The following TAF4B variants were observed in gnomAD, a reference collection of about 807,000 sequenced individuals.
TAF4B encodes the protein TATA-box binding protein associated factor 4b, also known as transcription initiation factor TFIID subunit 4B.
Under a neutral mutation model 86.4 loss-of-function variants are expected in TAF4B, and 38 were observed. The observed-to-expected ratio is 0.44, with a 90% CI of 0.34 to 0.58. TAF4B has a LOEUF of 0.58. Among genes scored for constraint, TAF4B ranks in the 20% least tolerant of loss-of-function variants. TAF4B has a pLI of 0.02. For missense variants in TAF4B, 988 were observed against 1,027.6 expected, an observed-to-expected ratio of 0.96 and a Z score of 0.53; for synonymous variants, 388 against 391.2, an observed-to-expected ratio of 0.99 and a Z score of 0.10.
In TAF4B at chr18:26,321,210, ATC is replaced by A. The variant is rs2056959714; in HGVS notation, c.2133+11_2133+12del. The A allele has an allele frequency of 6.2e-7, 1 of 1,613,254 alleles. No individual in the cohort carries two copies. The highest frequency in any genetic ancestry group is 1.3e-5 in the African/African-American group (1 of 74,916). On this transcript the variant is annotated intron_variant, in intron 11 of 14. Coordinates refer to ENST00000269142, the MANE Select transcript of TAF4B (RefSeq NM_005640.3). ...AATGACTACTTACAAGGTAAAGGAA[ATC>A]ATTAAAGAAGTATAAACTCTCGAGT...
intron 12 of TAF4B, among the ~76,000 whole-genome samples, chr18:26,327,415 C>A (rs1483916692): frequency 1.3e-5 from 2 of 152,084 alleles, no homozygotes; most frequent in Admixed American, 1.3e-4. Flanking sequence ...ATTTCAGGGT[C>A]TTTTTAGGAA....
chr18:26,341,228 C>T (rs2057132494), intron 13 of TAF4B, among the ~76,000 whole-genome samples: 1 of 152,048 alleles, frequency 6.6e-6, no homozygotes, highest in Non-Finnish European at 1.5e-5. Context: ...CTTAACGATT[C>T]CTGCTCTGCT....
chr18:26,373,744 G>A (rs1418008542), intron 14 of TAF4B, among the ~76,000 whole-genome samples: 1 of 151,940 alleles, frequency 6.6e-6, no homozygotes, highest in Non-Finnish European at 1.5e-5. Flanking sequence ...TAATATACTT[G>A]TTGAGATGGC....
At chr18:26,353,612 TA>T (rs1231683813) in intron 13 of TAF4B, among the ~76,000 whole-genome samples, 1 of 152,228 alleles carries the variant, frequency 6.6e-6, no homozygotes, top group Non-Finnish European at 1.5e-5. Flanking sequence ...CTGAGGCTGA[TA>T]AAGGATAGCT....
At chr18:26,362,962 T>C (rs1195643080) in intron 14 of TAF4B, among the ~76,000 whole-genome samples, 2 of 152,200 alleles carry the variant, frequency 1.3e-5, no homozygotes, top group African/African-American at 4.8e-5. Flanking sequence ...AGCATTTACA[T>C]TGTATTATGT....
intron 14 of TAF4B, among the ~76,000 whole-genome samples, chr18:26,387,850 G>A (rs967571671): frequency 2.0e-5 from 3 of 152,166 alleles, no homozygotes; most frequent in Admixed American, 6.5e-5. Context: ...AAACTGGGTA[G>A]TATCTCTTAA....
intron 9 of TAF4B, among the ~76,000 whole-genome samples, chr18:26,309,332 T>G (rs571196947): frequency 1.5e-4 from 21 of 141,700 alleles, no homozygotes; most frequent in African/African-American, 5.4e-4. Context: ...TTGCAAAACA[T>G]ATCTATTACC....
intron 2 of TAF4B, chr18:26,266,847 G>C (rs766960164): frequency 3.3e-5 from 5 of 151,568 alleles, no homozygotes; most frequent in African/African-American, 1.2e-4. Flanking sequence ...GGGCGACAGA[G>C]CGAGACTCTG....
In TAF4B at chr18:26,321,082, A is replaced by G. The variant is rs776500867; in HGVS notation, c.2015A>G (p.Asp672Gly). 1.3e-5 allele frequency: 21 copies of G among 1,613,852 alleles called. No individual in the cohort carries two copies. The East Asian group carries it at 4.5e-4, about 34-fold the overall frequency. The change falls in exon 11 of 15, where the codon GAC (aspartate) becomes GGC (glycine). Residue 672 changes from aspartate to glycine, a missense_variant. Asp to Gly is a moderately conservative substitution (Grantham distance 94). Around this residue, in one of 3 missense-constraint regions of TAF4B, gnomAD observed 216 missense variants for 238.4 expected, o/e 0.91. Transcript: ENST00000269142. ...TCTGCTTCTGCAGGTAAAAAGCATGACATTACAGAACTTAACTCTGATGCT... is the reference window on the plus strand; with the variant it reads ...TCTGCTTCTGCAGGTAAAAAGCATGGCATTACAGAACTTAACTCTGATGCT... ...KRILDIGKKH[D>G]ITELNSDAVN...
chr18:26,293,467 C>A lies in TAF4B; in HGVS notation c.1768C>A (p.Leu590Met), dbSNP rs766689998. The change falls in exon 9 of 15, where the codon CTG (leucine) becomes ATG (methionine). Residue 590 changes from leucine to methionine, a missense_variant. By Grantham distance (15) the Leu-to-Met change is conservative. Coordinates refer to ENST00000269142, the MANE Select transcript of TAF4B (RefSeq NM_005640.3). ...KQITLPGNKI[L>M]SLQASPTQKN... is the part of the protein sequence containing the mutation. ...AATTACTCTGCCTGGAAATAAAATTCTGTCACTTCAAGCATCTCCTACTCA... is the reference window on the plus strand; with the variant it reads ...AATTACTCTGCCTGGAAATAAAATTATGTCACTTCAAGCATCTCCTACTCA... 2 of 1,596,692 alleles carry A rather than the reference C, an allele frequency of 1.3e-6. No individual in the cohort carries two copies. The highest frequency in any genetic ancestry group is 1.7e-4 in the Middle Eastern group (1 of 6,022).
intron 2 of TAF4B, among the ~76,000 whole-genome samples, chr18:26,265,709 A>G (rs1000798276): frequency 6.6e-6 from 1 of 152,088 alleles, no homozygotes; most frequent in Non-Finnish European, 1.5e-5. Context: ...CCACAACTGC[A>G]TACCACCATG....
intron 9 of TAF4B, among the ~76,000 whole-genome samples, chr18:26,308,758 GC>G (rs1482712762): frequency 6.6e-6 from 1 of 151,550 alleles, no homozygotes; most frequent in African/African-American, 2.4e-5. Context: ...TGTAGTCCCA[GC>G]TACTTGGGAG....
chr18:26,366,406 C>T (rs2057371526), intron 14 of TAF4B: 1 of 152,070 alleles, frequency 6.6e-6, no homozygotes. Flanking sequence ...AAAGTGAGCA[C>T]GCCAGCATTC....
chr18:26,343,057 A>T (rs2057148571), intron 13 of TAF4B, among the ~76,000 whole-genome samples: 1 of 152,218 alleles, frequency 6.6e-6, no homozygotes, highest in South Asian at 2.1e-4. Flanking sequence ...CAGCTATTTG[A>T]GGACATTGAA....
chr18:26,367,232 C>T (rs2057378069), intron 14 of TAF4B, among the ~76,000 whole-genome samples: 1 of 152,202 alleles, frequency 6.6e-6, no homozygotes, highest in Non-Finnish European at 1.5e-5. Flanking sequence ...TGAGAAGTCT[C>T]ACGCTATGCT....
In TAF4B at chr18:26,319,906, TTAAAG is replaced by T. The variant is rs1368421662; in HGVS notation, c.2003-1161_2003-1157del. On this transcript the variant is annotated intron_variant, in intron 10 of 14. Coordinates refer to ENST00000269142, the MANE Select transcript of TAF4B (RefSeq NM_005640.3). Reference sequence around the variant, plus strand: ...TGCCTGGCCTATGCTGAGGGTTTTATTAAAGTAGAGTTGACTTTGTAGAATTTTTT... The same window carrying T: ...TGCCTGGCCTATGCTGAGGGTTTTATTAGAGTTGACTTTGTAGAATTTTTT... 2.6e-5 allele frequency among the ~76,000 whole-genome samples: 4 copies of T among 152,196 alleles called. 1 individual carries two copies. Among genetic ancestry groups the T allele is most frequent in the African/African-American group, 9.7e-5 (4 of 41,444 alleles).
chr18:26,301,432 A>G (rs2056732724), intron 9 of TAF4B, among the ~76,000 whole-genome samples: 1 of 151,920 alleles, frequency 6.6e-6, no homozygotes, highest in Admixed American at 6.6e-5. Flanking sequence ...GACTACAGGC[A>G]TGTGCCACTA....
At chr18:26,289,737 G>C (rs538368298) in intron 7 of TAF4B, among the ~76,000 whole-genome samples, 2 of 152,228 alleles carry the variant, frequency 1.3e-5, no homozygotes, top group South Asian at 2.1e-4. Context: ...GATCCGCTTA[G>C]TACTATGGTT....
intron 7 of TAF4B, among the ~76,000 whole-genome samples, chr18:26,289,877 G>C (rs2056571248): frequency 6.6e-6 from 1 of 152,096 alleles, no homozygotes; most frequent in Non-Finnish European, 1.5e-5. Context: ...CATTGTTCCA[G>C]GTGTTAGAGT....
Sources: allele counts gnomAD v4.1 joint callset (sites outside exome capture counted in the v4.1 genomes callset), GRCh38; gene constraint gnomAD v4.1.1; regional missense constraint gnomAD v4.1.1; transcripts MANE v1.5; gene names NCBI Gene and HGNC (gene_info 2026-07-23, HGNC 2026-07-21).